The following GYG1 variants were observed in gnomAD, a reference collection of about 807,000 sequenced individuals.
The protein encoded by GYG1 is glycogenin-1.
GYG1 carries 44 observed loss-of-function variants against 41.9 expected under a neutral mutation model. That is an observed-to-expected ratio of 1.05 (90% CI 0.83 to 1.35). The LOEUF (loss-of-function observed/expected upper bound fraction) is 1.35. GYG1 is among the 40% of genes most tolerant of loss of function. GYG1 has a pLI of 0.00. For missense variants in GYG1, 429 were observed against 418.9 expected (o/e 1.02, Z -0.21); for synonymous variants, 141 against 158.1 (o/e 0.89, Z 0.81).
intron 5 of GYG1, among the ~76,000 whole-genome samples, chr3:149,018,707 A>T (rs1382973490): frequency 6.6e-6 from 1 of 151,780 alleles, no homozygotes; most frequent in African/African-American, 2.4e-5. Flanking sequence ...GTCCTCTAAA[A>T]CCTCTGACCA....
In GYG1 at chr3:148,991,552, C is replaced by A; in HGVS notation, c.-89C>A. The A allele has an allele frequency of 6.6e-7, 1 of 1,514,378 alleles. No individual in the cohort carries two copies. The highest frequency in any genetic ancestry group is 2.5e-5 in the East Asian group (1 of 40,346). The allele number at this position is 1,514,378 out of a possible 1,614,324, so 93.8% of individuals were successfully genotyped here. A position where few individuals can be genotyped will look rare whatever the true frequency, so the allele number is the denominator to read the frequency against. On this transcript the variant is annotated 5_prime_UTR_variant, in exon 1 of 8. Coordinates refer to ENST00000345003, the MANE Select transcript of GYG1 (RefSeq NM_004130.4). ...GCAGACGCTCGGTTCCCCGCCGTGC[C>A]TCCTCGCTGGCCGCGCTCCCTCCCG... is the stretch of plus-strand genomic sequence containing the variant.
Position 149,031,158 on chromosome 3 carries a change from TAAAAA to T in GYG1, c.*4231_*4235del, listed in dbSNP as rs574784654. ...ATAAGTTTGCTTATTAACAAAAAAGTAAAAAAAAAAGAAAAGAAAAAAGATGACTA... is the reference window on the plus strand; with the variant it reads ...ATAAGTTTGCTTATTAACAAAAAAGTAAAAAGAAAAGAAAAAAGATGACTA... On this transcript the variant is annotated 3_prime_UTR_variant, in exon 8 of 8. Coordinates refer to ENST00000345003, the MANE Select transcript of GYG1 (RefSeq NM_004130.4). The T allele has an allele frequency of 1.4e-5, 2 of 145,120 alleles. No homozygotes were observed. The highest frequency in any genetic ancestry group is 2.5e-5 in the African/African-American group (1 of 39,410). The allele number at this position is 145,120 out of a possible 1,614,324, so 9.0% of individuals were successfully genotyped here.
Position 149,024,971 on chromosome 3 carries a change from C to A in GYG1, c.828+699C>A, listed in dbSNP as rs1007723915. Among the ~76,000 whole-genome samples, 8 of 152,290 alleles carry A rather than the reference C, an allele frequency of 5.3e-5. No individual in the cohort carries two copies. In the East Asian group the frequency reaches 5.8e-4, roughly 11 times the overall value. On this transcript the variant is annotated intron_variant, in intron 6 of 7. Transcript: ENST00000345003. Reference sequence around the variant, plus strand: ...TGGTGAATTATAATCAGATAATCAGCTAATCACCTGGCTGTGAGATTGTAA... The same window carrying A: ...TGGTGAATTATAATCAGATAATCAGATAATCACCTGGCTGTGAGATTGTAA...
At chr3:149,008,447 AT>A (rs1389347665) in intron 4 of GYG1, among the ~76,000 whole-genome samples, 1 of 151,944 alleles carries the variant, frequency 6.6e-6, no homozygotes, top group Non-Finnish European at 1.5e-5. Context: ...GGTGTGCACT[AT>A]TTTTGTTCTG....
intron 4 of GYG1, chr3:149,009,074 G>C: frequency 2.0e-6 from 1 of 511,386 alleles, no homozygotes; most frequent in South Asian, 2.2e-5. Flanking sequence ...CAGGAGAATT[G>C]CTTGAACCCA....
At position 149,026,464 on chromosome 3, in the gene GYG1, G is replaced by A; in HGVS notation, c.841G>A (p.Val281Ile). 6.2e-7 allele frequency: 1 copy of A among 1,603,424 alleles called. No homozygotes were observed. The highest frequency in any genetic ancestry group is 2.2e-5 in the East Asian group (1 of 44,814). ...CSYVNVLSDL[V>I]YTLAFSCGFC... is the part of the protein sequence containing the mutation. ...GAACTGTTTGCAGCTTTCAGACTTG[G>A]TCTATACACTGGCTTTCTCTTGTGG... The change falls in exon 7 of 8, where the codon GTC becomes ATC. Residue 281 changes from valine to isoleucine, a missense_variant. Coordinates refer to ENST00000345003, the MANE Select transcript of GYG1 (RefSeq NM_004130.4).
chr3:148,994,101 T>G, intron 1 of GYG1, 41 bp from the exon 2 acceptor site: 1 of 1,591,416 alleles, frequency 6.3e-7, no homozygotes, highest in Non-Finnish European at 8.6e-7. Flanking sequence ...TTTCTCCAGA[T>G]AAGATACTGT....
At chr3:149,017,529 T>C (rs1374456670) in intron 5 of GYG1, among the ~76,000 whole-genome samples, 1 of 151,348 alleles carries the variant, frequency 6.6e-6, no homozygotes, top group Non-Finnish European at 1.5e-5. Flanking sequence ...CATTTCCCCT[T>C]CTTATTCATT....
At chr3:149,026,644 A>G in intron 7 of GYG1, 116 bp from the exon 8 acceptor site, 1 of 990,428 alleles carries the variant, frequency 1.0e-6, no homozygotes, top group Non-Finnish European at 1.6e-6. Context: ...AATACTTTTC[A>G]GTTTTTGCTA....
rs199988419 is a variant in GYG1, at chr3:149,030,415, AACTT to A, written c.*3488_*3491del. ...GAGACATTTTTTAAACAACTTGCCA[AACTT>A]ACTTATGAGTGTGTTTTAAAAACAA... is the stretch of plus-strand genomic sequence containing the variant. On this transcript the variant is annotated 3_prime_UTR_variant, in exon 8 of 8. Transcript: ENST00000345003. 6 of 152,310 alleles carry A rather than the reference AACTT, an allele frequency of 3.9e-5. No individual in the cohort carries two copies. Among genetic ancestry groups the A allele is most frequent in the Admixed American group, 6.5e-5 (1 of 15,292 alleles). 9.4% of individuals were successfully genotyped at this position (152,310 alleles called of 1,614,324 possible).
At position 149,031,171 on chromosome 3, in the gene GYG1, AAAG is replaced by A. The variant is rs1715002960; in HGVS notation, c.*4241_*4243del. On this transcript the variant is annotated 3_prime_UTR_variant, in exon 8 of 8. Coordinates refer to ENST00000345003, the MANE Select transcript of GYG1 (RefSeq NM_004130.4). The stretch of plus-strand genomic sequence containing the variant: ...TTAACAAAAAAGTAAAAAAAAAAGA[AAAG>A]AAAAAAGATGACTAATTCTACAGAT... 1 of 152,558 alleles carries A rather than the reference AAAG, an allele frequency of 6.6e-6. No individual in the cohort carries two copies. 9.5% of individuals were successfully genotyped at this position (152,558 alleles called of 1,614,324 possible). A position where few individuals can be genotyped will look rare whatever the true frequency, so the allele number is the denominator to read the frequency against.
At chr3:149,023,536 C>T (rs567833211) in intron 5 of GYG1, among the ~76,000 whole-genome samples, 20 of 152,270 alleles carry the variant, frequency 1.3e-4, no homozygotes, top group African/African-American at 4.1e-4. Flanking sequence ...AAATACTTTC[C>T]AAGTGGTGTG....
rs1712470247 is a variant in GYG1 at position 148,991,639 on chromosome 3, C to G, written c.-2C>G. 12 of 1,550,390 alleles carry G rather than the reference C, an allele frequency of 7.7e-6. No individual in the cohort carries two copies. Among genetic ancestry groups the G allele is most frequent in the Non-Finnish European group, 9.5e-6 (11 of 1,156,770 alleles). ...CCGGCCGCCTGCGCACCCGGCAGCA[C>G]CATGACAGGTACCGCCGCGCAGCCC... On this transcript the variant is annotated 5_prime_UTR_variant, in exon 1 of 8. Transcript: ENST00000345003.
At chr3:149,003,545 G>T (rs768515553) in intron 4 of GYG1, among the ~76,000 whole-genome samples, 15 of 152,122 alleles carry the variant, frequency 9.9e-5, no homozygotes, top group Non-Finnish European at 1.8e-4. Flanking sequence ...TTATAGAAAT[G>T]ATATTTTTAA....
In GYG1 at chr3:149,024,110, T is replaced by A; in HGVS notation, c.666T>A (p.Tyr222Ter). ...HFLGRVKPWN[Y>*]TYDPKTKSVK... is the part of the protein sequence containing the mutation. The stretch of plus-strand genomic sequence containing the variant: ...TGGGACGAGTCAAACCATGGAATTA[T>A]ACTTATGATCCCAAAACAAAAAGTG... Residue 222 changes from tyrosine to a stop codon, truncating the protein, a stop_gained, in exon 6 of 8, where the codon TAT becomes TAA. Coordinates refer to ENST00000345003, the MANE Select transcript of GYG1 (RefSeq NM_004130.4). LOFTEE classifies it high-confidence loss of function. 4.3e-6 allele frequency: 7 copies of A among 1,614,204 alleles called. No homozygotes were observed. The highest frequency in any genetic ancestry group is 5.9e-6 in the Non-Finnish European group (7 of 1,180,020).
intron 5 of GYG1, among the ~76,000 whole-genome samples, chr3:149,016,950 G>T (rs1714084204): frequency 6.6e-6 from 1 of 152,152 alleles, no homozygotes; most frequent in Non-Finnish European, 1.5e-5. Context: ...GCTTGACATT[G>T]CTGCCATGAT....
At chr3:149,016,687 C>T (rs940858227) in intron 5 of GYG1, among the ~76,000 whole-genome samples, 3 of 152,162 alleles carry the variant, frequency 2.0e-5, no homozygotes, top group East Asian at 1.9e-4. Flanking sequence ...ATGGGATATG[C>T]ACCCTTTGTG....
In GYG1 at chr3:149,031,564, C is replaced by G. The variant is rs1715047955; in HGVS notation, c.*4631C>G. The stretch of plus-strand genomic sequence containing the variant: ...TTACATTTAAACAATGAGTGTAGTA[C>G]TACTTAACTAAAATGGAAAAAATAG... On this transcript the variant is annotated 3_prime_UTR_variant, in exon 8 of 8. Transcript: ENST00000345003. 2.0e-5 allele frequency: 3 copies of G among 152,450 alleles called. No individual in the cohort carries two copies. Among genetic ancestry groups the G allele is most frequent in the Admixed American group, 1.3e-4 (2 of 15,272 alleles). 9.4% of individuals were successfully genotyped at this position (152,450 alleles called of 1,614,324 possible).
chr3:149,014,729 G>T (rs181891650), intron 5 of GYG1, among the ~76,000 whole-genome samples: 1 of 151,848 alleles, frequency 6.6e-6, no homozygotes, highest in African/African-American at 2.4e-5. Flanking sequence ...TTAGCTGGGC[G>T]TAGTGGTGCA....
Sources: allele counts gnomAD v4.1 joint callset (sites outside exome capture counted in the v4.1 genomes callset), GRCh38; gene constraint gnomAD v4.1.1; transcripts MANE v1.5; gene names NCBI Gene and HGNC (gene_info 2026-07-23, HGNC 2026-07-21).